Variants in GPC1 observed in about 807,000 individuals in gnomAD.
GPC1 encodes glypican 1.
A neutral mutation model predicts 51.5 loss-of-function variants in GPC1; 26 were observed. That is an observed-to-expected ratio of 0.50 (90% confidence interval 0.37 to 0.70). The LOEUF (loss-of-function observed/expected upper bound fraction) is 0.70. Among genes scored for constraint, GPC1 ranks in the 30% least tolerant of loss-of-function variants. The pLI is 0.00. For missense variants in GPC1, 775 were observed against 800.5 expected, an observed-to-expected ratio of 0.97 and a Z score of 0.38; for synonymous variants, 380 against 348.3, an observed-to-expected ratio of 1.09 and a Z score of -1.01.
Position 240,435,728 on chromosome 2 carries a change from C to T in GPC1, c.-191C>T. On this transcript the variant is annotated 5_prime_UTR_variant, in exon 1 of 9. Transcript: ENST00000264039. ...CCCGAGCGAGCGTTCGGACCTCGCACCCCGCGCGCCCCGCGCCGCCGCCGC... is the reference window on the plus strand; with the variant it reads ...CCCGAGCGAGCGTTCGGACCTCGCATCCCGCGCGCCCCGCGCCGCCGCCGC... The T allele has an allele frequency of 3.8e-6, 1 of 261,880 alleles. No homozygotes were observed. Among genetic ancestry groups the T allele is most frequent in the Non-Finnish European group, 7.0e-6 (1 of 143,560 alleles). 16.2% of individuals were successfully genotyped at this position (261,880 alleles called of 1,614,324 possible). A position where few individuals can be genotyped will look rare whatever the true frequency, so the allele number is the denominator to read the frequency against.
chr2:240,459,145 C>T lies in GPC1; in HGVS notation c.282C>T (p.Arg94=), dbSNP rs549235302. The T allele has an allele frequency of 2.5e-5, 40 of 1,612,560 alleles. No individual in the cohort carries two copies. The highest frequency in any genetic ancestry group is 2.0e-4 in the South Asian group (18 of 91,046). ...AGACCGCGCTCCGGGACAGCAGCCG[C>T]GTCCTGCAGGCCATGCTTGCCACCC... ...ELETALRDSS[R]VLQAMLATQL... is the part of the protein sequence containing the mutation. Residue 94 remains arginine, a synonymous_variant, in exon 2 of 9, where the codon CGC becomes CGT. Coordinates refer to ENST00000264039, the MANE Select transcript of GPC1 (RefSeq NM_002081.3).
chr2:240,439,683 A>G (rs962892013), intron 1 of GPC1, among the ~76,000 whole-genome samples: 1 of 151,836 alleles, frequency 6.6e-6, no homozygotes, highest in East Asian at 1.9e-4. Context: ...GGCCCGGGAG[A>G]GCCCACCAGC....
intron 1 of GPC1, among the ~76,000 whole-genome samples, chr2:240,453,975 C>A (rs1574767796): frequency 6.6e-6 from 1 of 152,172 alleles, no homozygotes; most frequent in African/African-American, 2.4e-5. Flanking sequence ...CCTACGACGC[C>A]CCTCGGTTTC....
Position 240,451,402 on chromosome 2 carries a change from T to C in GPC1, c.167-7628T>C, listed in dbSNP as rs374167769. On this transcript the variant is annotated intron_variant, in intron 1 of 8. Transcript: ENST00000264039. ...CCTTGGGTGCCTGTGGCCCCTGCAGTGGGTGTACGGGAAGCTAGATGGGAG... is the reference window on the plus strand; with the variant it reads ...CCTTGGGTGCCTGTGGCCCCTGCAGCGGGTGTACGGGAAGCTAGATGGGAG... 86 of 392,246 alleles carry C rather than the reference T, an allele frequency of 2.2e-4. 1 individual carries two copies. Among genetic ancestry groups the C allele is most frequent in the African/African-American group, 1.7e-3 (79 of 47,798 alleles). 24.3% of individuals were successfully genotyped at this position (392,246 alleles called of 1,614,324 possible).
At chr2:240,454,667 C>T (rs973825001) in intron 1 of GPC1, among the ~76,000 whole-genome samples, 3 of 152,226 alleles carry the variant, frequency 2.0e-5, no homozygotes, top group Non-Finnish European at 4.4e-5. Context: ...AATTCCGGTA[C>T]CTTAGGCATT....
intron 1 of GPC1, among the ~76,000 whole-genome samples, chr2:240,441,231 T>C (rs1007286347): frequency 1.3e-5 from 2 of 152,194 alleles, no homozygotes; most frequent in Non-Finnish European, 2.9e-5. Flanking sequence ...GAGAGCTTAG[T>C]GGGTGTCTGA....
Position 240,467,007 on chromosome 2 carries a change from G to A in GPC1, c.*717G>A, listed in dbSNP as rs923992422. 4 of 152,304 alleles carry A rather than the reference G, an allele frequency of 2.6e-5. No individual in the cohort carries two copies. The highest frequency in any genetic ancestry group is 7.2e-5 in the African/African-American group (3 of 41,464). 9.4% of individuals were successfully genotyped at this position (152,304 alleles called of 1,614,324 possible). A position where few individuals can be genotyped will look rare whatever the true frequency, so the allele number is the denominator to read the frequency against. ...ACCCACCTGCGCTTCTGCTGGAGGA[G>A]GGGAAGCTGGGCCCAAAGGCCCAGG... is the stretch of plus-strand genomic sequence containing the variant. On this transcript the variant is annotated 3_prime_UTR_variant, in exon 9 of 9. Transcript: ENST00000264039.
intron 1 of GPC1, among the ~76,000 whole-genome samples, chr2:240,439,846 C>T (rs2074006814): frequency 6.6e-6 from 1 of 152,222 alleles, no homozygotes; most frequent in African/African-American, 2.4e-5. Flanking sequence ...GCTGCTCTTC[C>T]CTCCATGAGA....
chr2:240,465,421 C>T, intron 7 of GPC1, 52 bp from the exon 8 acceptor site: 1 of 1,544,202 alleles, frequency 6.5e-7, no homozygotes, highest in South Asian at 1.1e-5. Flanking sequence ...CAGGTGATGG[C>T]CCTTTGCAGG....
chr2:240,457,918 T>C (rs1000087580), intron 1 of GPC1: 3 of 384,376 alleles, frequency 7.8e-6, no homozygotes, highest in African/African-American at 6.3e-5. Flanking sequence ...CGCCCCCCCT[T>C]GACCCCACCC....
At chr2:240,445,927 C>G (rs1244051801) in intron 1 of GPC1, among the ~76,000 whole-genome samples, 1 of 152,248 alleles carries the variant, frequency 6.6e-6, no homozygotes, top group Non-Finnish European at 1.5e-5. Flanking sequence ...GCGTTGCCAC[C>G]TCACAATTCG....
chr2:240,449,937 G>T, intron 1 of GPC1: 1 of 469,492 alleles, frequency 2.1e-6, no homozygotes. Flanking sequence ...GACAGTTTGT[G>T]GAAACAATCT....
At chr2:240,451,218 G>A (rs181619717) in intron 1 of GPC1, 1 of 471,202 alleles carries the variant, frequency 2.1e-6, no homozygotes, top group South Asian at 1.5e-5. Context: ...AGCCTCAGCT[G>A]TATGTGTGTC....
In GPC1 at chr2:240,467,649, G is replaced by A. The variant is rs892987785; in HGVS notation, c.*1359G>A. 1 of 152,412 alleles carries A rather than the reference G, an allele frequency of 6.6e-6. No individual in the cohort carries two copies. The allele number at this position is 152,412 out of a possible 1,614,324, so 9.4% of individuals were successfully genotyped here. The stretch of plus-strand genomic sequence containing the variant: ...CTGTCCTGAACCGACTGACCCTGAG[G>A]AGGCCGCTTAGTGCTGCTTTGCTTT... On this transcript the variant is annotated 3_prime_UTR_variant, in exon 9 of 9. Transcript: ENST00000264039.
chr2:240,453,069 C>G (rs1290338133), intron 1 of GPC1: 3 of 322,698 alleles, frequency 9.3e-6, no homozygotes, highest in Non-Finnish European at 1.8e-5. Flanking sequence ...GAGGACCTCT[C>G]CCGCAGCGCC....
chr2:240,447,527 T>C (rs1385933215), intron 1 of GPC1, among the ~76,000 whole-genome samples: 1 of 152,326 alleles, frequency 6.6e-6, no homozygotes, highest in African/African-American at 2.4e-5. Flanking sequence ...GGAGGCGGCC[T>C]GCCGGGCCTC....
At position 240,456,003 on chromosome 2, in the gene GPC1, C is replaced by T. The variant is rs529866043; in HGVS notation, c.167-3027C>T. 5.4e-4 allele frequency: 234 copies of T among 430,258 alleles called. 3 individuals are homozygous for T. Among genetic ancestry groups the T allele is most frequent in the South Asian group, 3.4e-3 (208 of 60,736 alleles). 26.7% of individuals were successfully genotyped at this position (430,258 alleles called of 1,614,324 possible). ...TCCAGCCTGCCGGGGGCTCCCAGGC[C>T]GGCGCCCGAGCTCTGGCTCCGTGTC... On this transcript the variant is annotated intron_variant, in intron 1 of 8. Coordinates refer to ENST00000264039, the MANE Select transcript of GPC1 (RefSeq NM_002081.3).
At chr2:240,436,514 C>T (rs1164219946) in intron 1 of GPC1, among the ~76,000 whole-genome samples, 3 of 152,150 alleles carry the variant, frequency 2.0e-5, no homozygotes, top group Non-Finnish European at 1.5e-5. Context: ...TCGGCGTGGC[C>T]GGGCTTTCGG....
At position 240,462,435 on chromosome 2, in the gene GPC1, C is replaced by T; in HGVS notation, c.570C>T (p.Asp190=). 6.2e-7 allele frequency: 1 copy of T among 1,606,416 alleles called. No individual in the cohort carries two copies. The highest frequency in any genetic ancestry group is 8.5e-7 in the Non-Finnish European group (1 of 1,177,104). Residue 190 remains aspartate (D), a synonymous_variant, in exon 3 of 9, where the codon GAC becomes GAT. Transcript: ENST00000264039. ...TGCTGCTGCCTGATGACTACCTGGA[C>T]TGCCTGGGCAAGCAGGCCGAGGCGC... is the stretch of plus-strand genomic sequence containing the variant. ...PQLLLPDDYL[D]CLGKQAEALR...
Sources: gnomAD v4.1 joint callset for allele counts (sites outside exome capture counted in the v4.1 genomes callset) on GRCh38, gnomAD v4.1.1 for gene constraint, MANE v1.5 for transcripts, NCBI Gene and HGNC (gene_info 2026-07-23, HGNC 2026-07-21) for gene names.